Variants in EPB41L2 observed in about 807,000 individuals in gnomAD.
The protein encoded by EPB41L2 is erythrocyte membrane protein band 4.1 like 2.
A neutral mutation model predicts 113.0 loss-of-function variants in EPB41L2; 43 were observed. The ratio of observed to expected loss-of-function variants is 0.38; its 90% CI spans 0.30 to 0.49. EPB41L2 has a LOEUF of 0.49. EPB41L2 is among the 20% of genes least tolerant of loss of function. The pLI is 0.95. For synonymous variants in EPB41L2, 442 were observed against 436.7 expected (o/e 1.01, Z -0.15); for missense variants, 1,147 against 1,223.4 (o/e 0.94, Z 0.93).
chr6:131,021,267 C>T (rs1789414099), intron 1 of EPB41L2, among the ~76,000 whole-genome samples: 1 of 152,134 alleles, frequency 6.6e-6, no homozygotes, highest in Admixed American at 6.5e-5. Flanking sequence ...ACTGATGGCT[C>T]TAACTATTAG....
At chr6:131,062,159 CAGT>C (rs1238055203) in intron 1 of EPB41L2, among the ~76,000 whole-genome samples, 1 of 151,748 alleles carries the variant, frequency 6.6e-6, no homozygotes, top group Non-Finnish European at 1.5e-5. Flanking sequence ...AGACTCTAGG[CAGT>C]AGTTCTTCTC....
At chr6:130,863,190 GAGAAAAC>G (rs1782697366) in intron 18 of EPB41L2, among the ~76,000 whole-genome samples, 1 of 152,114 alleles carries the variant, frequency 6.6e-6, no homozygotes, top group African/African-American at 2.4e-5. Flanking sequence ...ATCGCAATAG[GAGAAAAC>G]ACCTGGAAGT....
At chr6:130,993,627 G>C (rs1420041162) in intron 1 of EPB41L2, among the ~76,000 whole-genome samples, 1 of 152,182 alleles carries the variant, frequency 6.6e-6, no homozygotes, top group African/African-American at 2.4e-5. Context: ...TCTTCAGGGG[G>C]TATGTGTCTT....
At chr6:130,985,433 G>A (rs553391830) in intron 1 of EPB41L2, among the ~76,000 whole-genome samples, 77 of 152,242 alleles carry the variant, frequency 5.1e-4, no homozygotes, top group Admixed American at 8.5e-4. Context: ...TCTTGGGTGC[G>A]CGACAAGAAC....
chr6:131,054,823 A>T (rs976323844), intron 1 of EPB41L2, among the ~76,000 whole-genome samples: 1 of 152,266 alleles, frequency 6.6e-6, no homozygotes, highest in Admixed American at 6.5e-5. Flanking sequence ...CTGAGCTTCC[A>T]CAGCCCTTCA....
chr6:130,853,867 A>G (rs1779478321), intron 19 of EPB41L2, among the ~76,000 whole-genome samples: 1 of 152,190 alleles, frequency 6.6e-6, no homozygotes, highest in African/African-American at 2.4e-5. Context: ...TCTTTGCCTC[A>G]GCCCACCTGC....
intron 1 of EPB41L2, chr6:131,062,547 C>G (rs1048107924): frequency 6.6e-5 from 10 of 151,318 alleles, no homozygotes; most frequent in African/African-American, 2.2e-4. Flanking sequence ...CGGACGCGAG[C>G]CTACAGCGGG....
At chr6:130,852,053 A>G (rs1562293346) in intron 19 of EPB41L2, among the ~76,000 whole-genome samples, 2 of 152,144 alleles carry the variant, frequency 1.3e-5, no homozygotes, top group Non-Finnish European at 2.9e-5. Flanking sequence ...CATGCATCTC[A>G]AACTCATTAT....
intron 1 of EPB41L2, among the ~76,000 whole-genome samples, chr6:131,051,816 G>A (rs1038321447): frequency 2.6e-5 from 4 of 152,130 alleles, no homozygotes; most frequent in Non-Finnish European, 5.9e-5. Context: ...ACTGAGAGTG[G>A]AGAAAGACAT....
At chr6:130,944,924 T>G (rs1378194867) in intron 3 of EPB41L2, among the ~76,000 whole-genome samples, 1 of 152,146 alleles carries the variant, frequency 6.6e-6, no homozygotes, top group East Asian at 1.9e-4. Context: ...ATTCTATCAC[T>G]TACATGGCAC....
At chr6:130,912,603 C>A (rs1032051561) in intron 4 of EPB41L2, among the ~76,000 whole-genome samples, 2 of 152,158 alleles carry the variant, frequency 1.3e-5, no homozygotes, top group Non-Finnish European at 2.9e-5. Context: ...GGGCAGCAGG[C>A]CTCTCTAAGG....
chr6:131,029,139 G>GA (rs908157213), intron 1 of EPB41L2, among the ~76,000 whole-genome samples: 1 of 151,856 alleles, frequency 6.6e-6, no homozygotes, highest in African/African-American at 2.4e-5. Flanking sequence ...ATGCTAAAGG[G>GA]AAAAAAATCT....
chr6:130,955,376 T>C lies in EPB41L2; in HGVS notation c.493-59A>G, dbSNP rs1817088807. ...GTCAACCACCTTGCAGATGACAACA[T>C]ACTAAAAGGAAAATCTTTCATAAGA... On this transcript the variant is annotated intron_variant, in intron 2 of 19. Transcript: ENST00000337057. The C allele has an allele frequency of 2.7e-6, 4 of 1,467,180 alleles. No homozygotes were observed. In the South Asian group the frequency reaches 3.6e-5, roughly 13 times the overall value. 90.9% of individuals were successfully genotyped at this position (1,467,180 alleles called of 1,614,324 possible). A position where few individuals can be genotyped will look rare whatever the true frequency, so the allele number is the denominator to read the frequency against.
intron 19 of EPB41L2, among the ~76,000 whole-genome samples, chr6:130,849,348 T>C (rs922921275): frequency 2.0e-5 from 3 of 152,240 alleles, no homozygotes; most frequent in Non-Finnish European, 4.4e-5. Flanking sequence ...AAACTGTGGA[T>C]ATGGCCTGCT....
intron 1 of EPB41L2, among the ~76,000 whole-genome samples, chr6:130,984,968 G>C (rs182519748): frequency 6.5e-4 from 99 of 152,252 alleles, no homozygotes; most frequent in African/African-American, 2.3e-3. Context: ...CAGCCCTAAG[G>C]CAGGGTGAAG....
rs144415078 is a variant in EPB41L2, at chr6:130,842,727, T to C, written c.*6-2129A>G. Among the ~76,000 whole-genome samples, 169 of 152,308 alleles carry C rather than the reference T, an allele frequency of 1.1e-3. 4 individuals carry two copies. The East Asian group carries it at 0.031, about 28-fold the overall frequency. ...AAAGAAAAGCTAAAATTAAACTTGT[T>C]TCAAAGTTATTACAGGAAACTAAGC... On this transcript the variant is annotated intron_variant, in intron 19 of 19. Transcript: ENST00000337057.
intron 1 of EPB41L2, among the ~76,000 whole-genome samples, chr6:130,987,641 C>T (rs113533395): frequency 0.01 from 1,576 of 151,822 alleles, 36 homozygotes; most frequent in African/African-American, 0.037. Context: ...TGCAGTAAGC[C>T]GAGATCGTGC....
intron 1 of EPB41L2, among the ~76,000 whole-genome samples, chr6:131,001,297 G>T (rs761953336): frequency 4.0e-5 from 6 of 150,352 alleles, no homozygotes; most frequent in East Asian, 2.0e-4. Flanking sequence ...ACAAGCAGCT[G>T]AGAGAGAGCA....
intron 3 of EPB41L2, among the ~76,000 whole-genome samples, chr6:130,954,056 T>C (rs1816458403): frequency 9.4e-6 from 1 of 106,714 alleles, no homozygotes; most frequent in Non-Finnish European, 2.0e-5. Context: ...TTTTTTTTTT[T>C]TTTTTTTTTT....
Sources: gnomAD v4.1 joint callset for allele counts (sites outside exome capture counted in the v4.1 genomes callset) on GRCh38, gnomAD v4.1.1 for gene constraint, MANE v1.5 for transcripts, NCBI Gene and HGNC (gene_info 2026-07-23, HGNC 2026-07-21) for gene names.